Variants in OR2L13 observed in about 807,000 individuals in gnomAD.
OR2L13 encodes the protein olfactory receptor family 2 subfamily L member 13.
Under a neutral mutation model 15.3 loss-of-function variants are expected in OR2L13, and 14 were observed. The ratio of observed to expected loss-of-function variants is 0.91; its 90% CI spans 0.60 to 1.43. The LOEUF (loss-of-function observed/expected upper bound fraction) is 1.43, where lower values mean the gene tolerates loss of function less well. Among genes scored for constraint, OR2L13 ranks in the 40% most tolerant of loss-of-function variants. OR2L13 has a pLI of 0.00. For synonymous variants in OR2L13, 152 were observed against 142.9 expected (o/e 1.06, Z -0.45); for missense variants, 367 against 387.9 (o/e 0.95, Z 0.45).
the OR2L13 span, among the ~76,000 whole-genome samples, chr1:248,066,596 C>G: frequency 1.3e-5 from 2 of 152,336 alleles, no homozygotes; most frequent in South Asian, 2.1e-4. Context: ...GGGACTTAAT[C>G]TCAGCTATTT....
At chr1:248,075,814 T>C in the OR2L13 span, among the ~76,000 whole-genome samples, 1 of 152,220 alleles carries the variant, frequency 6.6e-6, no homozygotes, top group Admixed American at 6.5e-5. Context: ...ACCTGTTCAC[T>C]TTGATGGTGG....
chr1:248,094,281 T>G (rs972957932), upstream of OR2L13, among the ~76,000 whole-genome samples: 2 of 152,168 alleles, frequency 1.3e-5, no homozygotes, highest in East Asian at 1.9e-4. Flanking sequence ...TTCTAATTTC[T>G]GACATAAAAT....
the OR2L13 span, among the ~76,000 whole-genome samples, chr1:247,986,806 T>A: frequency 6.6e-6 from 1 of 152,208 alleles, no homozygotes; most frequent in Non-Finnish European, 1.5e-5. Context: ...GGTTTGTTGT[T>A]CTCCTTGTAG....
chr1:247,996,499 G>A, the OR2L13 span, among the ~76,000 whole-genome samples: 5,119 of 152,214 alleles, frequency 0.034, 242 homozygotes, highest in African/African-American at 0.12. Context: ...ACCAAGTTGT[G>A]GCCTACTCTA....
the OR2L13 span, chr1:247,990,435 C>A: frequency 6.3e-7 from 1 of 1,583,238 alleles, no homozygotes; most frequent in Non-Finnish European, 8.7e-7. Context: ...TCTCCACACA[C>A]CCATGTATTT....
the OR2L13 span, among the ~76,000 whole-genome samples, chr1:247,958,589 A>T: frequency 1.3e-5 from 2 of 152,140 alleles, no homozygotes; most frequent in African/African-American, 4.8e-5. Flanking sequence ...GTCTCTTTGT[A>T]GGTCTCTACG....
At chr1:248,004,260 G>A in the OR2L13 span, among the ~76,000 whole-genome samples, 1 of 152,038 alleles carries the variant, frequency 6.6e-6, no homozygotes, top group East Asian at 1.9e-4. Flanking sequence ...TTTCTTCATG[G>A]CATTTATCCC....
At chr1:248,064,971 C>T in the OR2L13 span, among the ~76,000 whole-genome samples, 3 of 152,310 alleles carry the variant, frequency 2.0e-5, no homozygotes, top group South Asian at 6.2e-4. Flanking sequence ...TATCTGTACT[C>T]AGAGGCCACT....
the OR2L13 span, chr1:248,029,260 TA>T: frequency 6.6e-6 from 1 of 152,272 alleles, no homozygotes; most frequent in African/African-American, 2.4e-5. Flanking sequence ...TAAATAAAAA[TA>T]CATATCATAA....
chr1:248,088,696 T>C, the OR2L13 span, among the ~76,000 whole-genome samples: 1 of 152,166 alleles, frequency 6.6e-6, no homozygotes, highest in Non-Finnish European at 1.5e-5. Flanking sequence ...CTTTCGGTGT[T>C]TAATAGTCCT....
chr1:248,090,881 G>A (rs1423662579), upstream of OR2L13, among the ~76,000 whole-genome samples: 1 of 152,098 alleles, frequency 6.6e-6, no homozygotes, highest in Non-Finnish European at 1.5e-5. Context: ...CACAATAGTT[G>A]AACTAATTTA....
At chr1:248,048,048 C>T in the OR2L13 span, among the ~76,000 whole-genome samples, 9 of 152,140 alleles carry the variant, frequency 5.9e-5, no homozygotes, top group Non-Finnish European at 1.0e-4. Context: ...GAACTTACAG[C>T]GTGAAGCAGA....
chr1:247,977,685 T>TA, the OR2L13 span, among the ~76,000 whole-genome samples: 2 of 152,216 alleles, frequency 1.3e-5, no homozygotes, highest in African/African-American at 4.8e-5. Flanking sequence ...AAAAGTCAGG[T>TA]AGCCCTTCTC....
chr1:247,991,179 T>TGTGGG, the OR2L13 span: 1 of 1,601,776 alleles, frequency 6.2e-7, no homozygotes, highest in Admixed American at 1.7e-5. Flanking sequence ...CACGAGTGAT[T>TGTGGG]CAGAAAATCT....
chr1:247,979,238 G>T, the OR2L13 span, among the ~76,000 whole-genome samples: 1 of 152,032 alleles, frequency 6.6e-6, no homozygotes, highest in African/African-American at 2.4e-5. Context: ...ATGTATACAT[G>T]TGCCATGTGG....
the OR2L13 span, among the ~76,000 whole-genome samples, chr1:248,086,624 A>G: frequency 6.6e-6 from 1 of 152,038 alleles, no homozygotes; most frequent in Non-Finnish European, 1.5e-5. Context: ...TTAAATATAC[A>G]GCTATATTTA....
chr1:248,035,904 A>G, the OR2L13 span, among the ~76,000 whole-genome samples: 2 of 152,204 alleles, frequency 1.3e-5, no homozygotes, highest in Non-Finnish European at 2.9e-5. Context: ...TTAAATACAT[A>G]AAATATATAC....
At chr1:247,979,417 T>C in the OR2L13 span, among the ~76,000 whole-genome samples, 1 of 152,098 alleles carries the variant, frequency 6.6e-6, no homozygotes, top group Non-Finnish European at 1.5e-5. Context: ...TGGTGTTTGG[T>C]TTTCTGTCCT....
chr1:248,078,468 T>TCACA, the OR2L13 span, among the ~76,000 whole-genome samples: 163 of 149,732 alleles, frequency 1.1e-3, 2 homozygotes, highest in African/African-American at 3.6e-3. Context: ...CGAGACTCCA[T>TCACA]CACACACACA....
Sources: allele counts gnomAD v4.1 joint callset (sites outside exome capture counted in the v4.1 genomes callset), GRCh38; gene constraint gnomAD v4.1.1; transcripts MANE v1.5; gene names NCBI Gene and HGNC (gene_info 2026-07-23, HGNC 2026-07-21).